MZT2A: variants seen among roughly 807,000 people sequenced by gnomAD.
The protein encoded by MZT2A is mitotic spindle organizing protein 2A.
Under a neutral mutation model 12.4 loss-of-function variants are expected in MZT2A, and 8 were observed. The observed-to-expected ratio is 0.64, with a 90% CI of 0.38 to 1.16. The LOEUF is 1.16. Among genes scored for constraint, MZT2A ranks in the 50% most tolerant of loss-of-function variants. The pLI is 0.01. For missense variants in MZT2A, 181 were observed against 223.6 expected (o/e 0.81, Z 1.22); for synonymous variants, 88 against 107.5 (o/e 0.82, Z 1.12).
chr2:131,480,660 G>A (rs781528095), downstream of MZT2A: 8 of 1,613,766 alleles, frequency 5.0e-6, no homozygotes, highest in Admixed American at 1.7e-5. Flanking sequence ...CAGGGGGGAC[G>A]TGGTCCCCAA....
intron 2 of MZT2A, 106 bp downstream of exon 2, chr2:131,491,770 C>G (rs1679320375): frequency 1.4e-6 from 2 of 1,432,368 alleles, no homozygotes; most frequent in Non-Finnish European, 1.9e-6. Context: ...GACCGACCGA[C>G]AGACAGGCCT....
chr2:131,469,737 A>ATGT (rs1383769765), intron 4 of MZT2A: 1 of 144,320 alleles, frequency 6.9e-6, no homozygotes. Context: ...GTTTTCAAAG[A>ATGT]TGTTTTATTA....
At chr2:131,473,489 C>T (rs1235177663) in intron 2 of MZT2A, among the ~76,000 whole-genome samples, 1 of 151,044 alleles carries the variant, frequency 6.6e-6, no homozygotes, top group Non-Finnish European at 1.5e-5. Context: ...TGCTTGGCCA[C>T]CCTCCAGGGA....
downstream of MZT2A, among the ~76,000 whole-genome samples, chr2:131,482,151 C>T (rs1198024866): frequency 1.3e-5 from 2 of 152,194 alleles, no homozygotes; most frequent in Non-Finnish European, 2.9e-5. Flanking sequence ...TATGATGTTC[C>T]TTGTGATAGC....
downstream of MZT2A, chr2:131,482,445 G>A (rs904267230): frequency 2.0e-6 from 3 of 1,477,998 alleles, no homozygotes; most frequent in Non-Finnish European, 2.7e-6. Flanking sequence ...GGTGAACTGA[G>A]CATTCTCCGT....
chr2:131,489,931 G>A, intron 2 of MZT2A: 1 of 976,510 alleles, frequency 1.0e-6, no homozygotes, highest in Non-Finnish European at 1.2e-6. Context: ...AGTGCTAAGT[G>A]AGCAGCAACA....
intron 2 of MZT2A, among the ~76,000 whole-genome samples, chr2:131,486,206 C>T (rs1573869645): frequency 6.6e-6 from 1 of 151,962 alleles, no homozygotes; most frequent in South Asian, 2.1e-4. Flanking sequence ...ACAAAGCAGA[C>T]AATAGCCACC....
rs1362810365 is a variant in MZT2A, at chr2:131,492,379, G to C, written c.-3C>G. On this transcript the variant is annotated 5_prime_UTR_variant, in exon 1 of 3. Coordinates refer to ENST00000309451, the MANE Select transcript of MZT2A (RefSeq NM_001085365.2). Reference sequence around the variant, plus strand: ...GGCCCTACGCCCTGCGCCGCCATCCGCGAGGCCCGCCGAAAGGTGCGCCCC... The same window carrying C: ...GGCCCTACGCCCTGCGCCGCCATCCCCGAGGCCCGCCGAAAGGTGCGCCCC... The C allele has an allele frequency of 1.6e-4, 209 of 1,310,716 alleles. No homozygotes were observed. The highest frequency in any genetic ancestry group is 3.5e-4 in the East Asian group (11 of 31,488). 81.2% of individuals were successfully genotyped at this position (1,310,716 alleles called of 1,614,324 possible).
At chr2:131,480,558 G>A, downstream of MZT2A, 2 of 1,610,332 alleles carry the variant, frequency 1.2e-6, no homozygotes, top group Non-Finnish European at 1.7e-6. Flanking sequence ...GCTGTCTGTG[G>A]CCGAGATCAC....
At chr2:131,488,644 T>C (rs1337012325) in intron 2 of MZT2A, among the ~76,000 whole-genome samples, 2 of 152,030 alleles carry the variant, frequency 1.3e-5, no homozygotes, top group African/African-American at 2.4e-5. Context: ...AGCTGTAATA[T>C]GTGGGCCTCA....
chr2:131,482,904 G>A, downstream of MZT2A: 1 of 1,575,992 alleles, frequency 6.3e-7, no homozygotes, highest in Non-Finnish European at 8.6e-7. Flanking sequence ...CTTCCAAGTT[G>A]TTTGCAATTA....
intron 2 of MZT2A, chr2:131,490,654 C>T: frequency 1.3e-6 from 2 of 1,549,130 alleles, no homozygotes; most frequent in Non-Finnish European, 1.7e-6. Flanking sequence ...TGGGGCCATG[C>T]AGTTTCCATG....
intron 2 of MZT2A, among the ~76,000 whole-genome samples, chr2:131,474,405 CTTTTTTTTTTTT>C (rs70994777): frequency 5.3e-5 from 5 of 94,834 alleles, no homozygotes; most frequent in African/African-American, 1.5e-4. Context: ...TCTTCTTCTT[CTTTTTTTTTTTT>C]TTTTTTTTTT....
intron 3 of MZT2A, among the ~76,000 whole-genome samples, chr2:131,471,405 G>A (rs1357940388): frequency 7.4e-6 from 1 of 134,862 alleles, no homozygotes; most frequent in Non-Finnish European, 1.5e-5. Context: ...AGCTGAGATC[G>A]CATGACTGCA....
At chr2:131,477,593 C>CT (rs1175270679) in intron 2 of MZT2A, among the ~76,000 whole-genome samples, 10 of 150,916 alleles carry the variant, frequency 6.6e-5, no homozygotes, top group Non-Finnish European at 1.0e-4. Flanking sequence ...CCACTGCTGC[C>CT]TGCCATTGAC....
chr2:131,493,092 G>A, upstream of MZT2A: 8 of 1,494,536 alleles, frequency 5.4e-6, no homozygotes, highest in Non-Finnish European at 7.2e-6. Flanking sequence ...GCGCGGTGGC[G>A]GAATGGCGGC....
chr2:131,476,127 G>C (rs375662778), intron 2 of MZT2A: 2 of 1,611,688 alleles, frequency 1.2e-6, no homozygotes, highest in Non-Finnish European at 1.7e-6. Context: ...GGAGGTTGCA[G>C]TTGGGCGCTC....
upstream of MZT2A, chr2:131,492,459 C>G (rs964553123): frequency 4.3e-6 from 5 of 1,173,740 alleles, no homozygotes; most frequent in African/African-American, 8.1e-5. Context: ...GCAGCGCCAG[C>G]GTCTGGCCTC....
chr2:131,473,317 CT>C (rs1678526800), intron 2 of MZT2A, among the ~76,000 whole-genome samples: 1 of 151,890 alleles, frequency 6.6e-6, no homozygotes, highest in South Asian at 2.1e-4. Flanking sequence ...GCCCCTCCTC[CT>C]TTTGCCAAAG....
Sources: allele counts gnomAD v4.1 joint callset (sites outside exome capture counted in the v4.1 genomes callset), GRCh38; gene constraint gnomAD v4.1.1; transcripts MANE v1.5; gene names NCBI Gene and HGNC (gene_info 2026-07-23, HGNC 2026-07-21).